GPC6: variants seen among roughly 807,000 people sequenced by gnomAD.
The protein encoded by GPC6 is glypican-6.
GPC6 carries 14 observed loss-of-function variants against 55.2 expected under a neutral mutation model. The observed-to-expected ratio is 0.25, with a 90% CI of 0.17 to 0.40. The LOEUF (loss-of-function observed/expected upper bound fraction) is 0.40. Ranked by LOEUF, GPC6 falls within the 10% of genes least tolerant of loss-of-function variation. The probability of loss-of-function intolerance (pLI) is 1.00; values close to 1 mark genes in which losing one functional copy is unlikely to be tolerated. For synonymous variants in GPC6, 278 were observed against 259.6 expected (o/e 1.07, Z -0.68); for missense variants, 641 against 708.5 (o/e 0.90, Z 1.08).
intron 2 of GPC6, 88 bp from the exon 3 acceptor site, chr13:93,830,066 A>T: frequency 1.2e-6 from 1 of 850,620 alleles, no homozygotes. Flanking sequence ...TGAAAATGTC[A>T]ATTAAAAGCA....
intron 4 of GPC6, among the ~76,000 whole-genome samples, chr13:94,130,797 T>C (rs1297590828): frequency 6.6e-6 from 1 of 152,148 alleles, no homozygotes; most frequent in African/African-American, 2.4e-5. Flanking sequence ...ATAGCTACTC[T>C]GACAGTGGAG....
chr13:94,028,465 T>G (rs1480101432), intron 4 of GPC6, among the ~76,000 whole-genome samples: 1 of 151,710 alleles, frequency 6.6e-6, no homozygotes, highest in Non-Finnish European at 1.5e-5. Context: ...TTGTTGAAGT[T>G]CCATGCACTC....
At chr13:93,377,593 G>A (rs1018706488) in intron 1 of GPC6, among the ~76,000 whole-genome samples, 2 of 152,190 alleles carry the variant, frequency 1.3e-5, no homozygotes, top group African/African-American at 4.8e-5. Context: ...GTTGGCAGCT[G>A]TGCCCCAGTA....
intron 2 of GPC6, among the ~76,000 whole-genome samples, chr13:93,708,614 A>C (rs1882937543): frequency 6.6e-6 from 1 of 151,768 alleles, no homozygotes; most frequent in Non-Finnish European, 1.5e-5. Flanking sequence ...CACAGTGTGC[A>C]TGTGAATTTC....
chr13:93,684,337 C>T (rs1881963332), intron 2 of GPC6, among the ~76,000 whole-genome samples: 1 of 152,050 alleles, frequency 6.6e-6, no homozygotes, highest in Non-Finnish European at 1.5e-5. Context: ...AGGTGCCCAC[C>T]ACTACGCCCG....
intron 2 of GPC6, among the ~76,000 whole-genome samples, chr13:93,620,486 A>G (rs545480614): frequency 4.6e-5 from 7 of 152,340 alleles, no homozygotes; most frequent in African/African-American, 1.7e-4. Context: ...TTAGCTATAG[A>G]ATGCCTCTAA....
At chr13:94,131,399 G>A (rs891862888) in intron 4 of GPC6, among the ~76,000 whole-genome samples, 1 of 151,836 alleles carries the variant, frequency 6.6e-6, no homozygotes, top group African/African-American at 2.4e-5. Flanking sequence ...CTAACTCATT[G>A]GTAAAAATAC....
intron 4 of GPC6, among the ~76,000 whole-genome samples, chr13:94,050,394 C>T (rs566249086): frequency 7.0e-4 from 107 of 152,248 alleles, no homozygotes; most frequent in Non-Finnish European, 1.0e-3. Flanking sequence ...GTTTTGAAAA[C>T]TCTATCGTGC....
chr13:93,262,403 G>A (rs867730694), intron 1 of GPC6, among the ~76,000 whole-genome samples: 32 of 152,130 alleles, frequency 2.1e-4, no homozygotes, highest in African/African-American at 6.8e-4. Flanking sequence ...ATGTGATGAA[G>A]GCCTACAGTC....
At chr13:94,131,953 A>C (rs564517909) in intron 4 of GPC6, among the ~76,000 whole-genome samples, 1 of 152,298 alleles carries the variant, frequency 6.6e-6, no homozygotes, top group South Asian at 2.1e-4. Flanking sequence ...TATTGTGCAC[A>C]TGAGGCAGAG....
intron 7 of GPC6, among the ~76,000 whole-genome samples, chr13:94,385,491 T>C (rs1211024495): frequency 6.6e-6 from 1 of 152,228 alleles, no homozygotes; most frequent in African/African-American, 2.4e-5. Flanking sequence ...AAATCACTTG[T>C]AGGAATAGTC....
At chr13:93,534,897 A>T (rs9516248) in intron 1 of GPC6, among the ~76,000 whole-genome samples, 43,036 of 151,960 alleles carry the variant, frequency 0.28, 6,249 homozygotes, top group African/African-American at 0.33. Context: ...GGACCCAAGG[A>T]ACTCACTGGC....
chr13:93,948,055 A>C (rs911321578), intron 3 of GPC6, among the ~76,000 whole-genome samples: 8 of 152,176 alleles, frequency 5.3e-5, no homozygotes, highest in African/African-American at 1.7e-4. Flanking sequence ...TAATAAGAAT[A>C]TATTTCTCAT....
chr13:93,743,414 A>G (rs1464853991), intron 2 of GPC6, among the ~76,000 whole-genome samples: 1 of 152,212 alleles, frequency 6.6e-6, no homozygotes, highest in Non-Finnish European at 1.5e-5. Context: ...GATAAAAATA[A>G]CAAATCACTA....
chr13:93,895,975 T>C (rs1875990394), intron 3 of GPC6, among the ~76,000 whole-genome samples: 1 of 152,054 alleles, frequency 6.6e-6, no homozygotes, highest in Non-Finnish European at 1.5e-5. Context: ...TAGTGTTTGG[T>C]AGCTTAATAG....
At chr13:94,241,996 G>A (rs1011803582) in intron 4 of GPC6, among the ~76,000 whole-genome samples, 4 of 151,562 alleles carry the variant, frequency 2.6e-5, no homozygotes, top group African/African-American at 4.9e-5. Context: ...GTATACATGT[G>A]CCATGTTGCT....
At chr13:93,335,436 A>G (rs1388276371) in intron 1 of GPC6, among the ~76,000 whole-genome samples, 1 of 152,208 alleles carries the variant, frequency 6.6e-6, no homozygotes, top group Non-Finnish European at 1.5e-5. Context: ...TTTGAAGAGG[A>G]GGAACCTGAA....
chr13:94,110,390 AC>A (rs1191156018), intron 4 of GPC6, among the ~76,000 whole-genome samples: 1 of 152,020 alleles, frequency 6.6e-6, no homozygotes, highest in Non-Finnish European at 1.5e-5. Context: ...ATTTAGAAAA[AC>A]CTATCTGCCT....
intron 2 of GPC6, among the ~76,000 whole-genome samples, chr13:93,697,866 C>CA (rs1241512877): frequency 6.6e-6 from 1 of 152,150 alleles, no homozygotes; most frequent in Non-Finnish European, 1.5e-5. Context: ...CTGTTCAAAA[C>CA]AATAACATGC....
Sources: allele counts gnomAD v4.1 joint callset (sites outside exome capture counted in the v4.1 genomes callset), GRCh38; gene constraint gnomAD v4.1.1; transcripts MANE v1.5; gene names NCBI Gene and HGNC (gene_info 2026-07-23, HGNC 2026-07-21).